The following CORO2B variants were observed in gnomAD, a reference collection of about 807,000 sequenced individuals.
CORO2B encodes the protein coronin 2B, also known as coronin-2B.
In CORO2B, 26 loss-of-function variants were observed where a neutral mutation model predicts 58.8. That is an observed-to-expected ratio of 0.44 (90% CI 0.32 to 0.61). The LOEUF is 0.61. CORO2B is among the 20% of genes least tolerant of loss of function. CORO2B has a pLI of 0.04. For missense variants in CORO2B, 460 were observed against 645.1 expected (o/e 0.71, Z 3.11); for synonymous variants, 242 against 253.8 (o/e 0.95, Z 0.44).
chr15:68,663,359 G>A (rs918102510), intron 2 of CORO2B, among the ~76,000 whole-genome samples: 3 of 152,204 alleles, frequency 2.0e-5, no homozygotes, highest in African/African-American at 7.2e-5. Context: ...GTGCTGCAGA[G>A]CATAACTGTG....
chr15:68,662,889 T>C (rs146400609), intron 2 of CORO2B, among the ~76,000 whole-genome samples: 181 of 152,350 alleles, frequency 1.2e-3, no homozygotes, highest in Middle Eastern at 0.01. Flanking sequence ...CAGACTAGTA[T>C]CTACAGATAT....
chr15:68,690,439 G>T (rs1417152849), intron 2 of CORO2B, among the ~76,000 whole-genome samples: 1 of 151,936 alleles, frequency 6.6e-6, no homozygotes, highest in Non-Finnish European at 1.5e-5. Flanking sequence ...TGGCCTACTG[G>T]CTCCCTATTA....
chr15:68,573,004 C>T, the CORO2B span, among the ~76,000 whole-genome samples: 1 of 152,158 alleles, frequency 6.6e-6, no homozygotes, highest in East Asian at 1.9e-4. Context: ...CCTACACACT[C>T]ATTCTCACAT....
chr15:68,695,104 A>T, intron 2 of CORO2B, 36 bp from the exon 3 acceptor site: 1 of 1,499,028 alleles, frequency 6.7e-7, no homozygotes, highest in Non-Finnish European at 9.3e-7. Context: ...CCATCAAACT[A>T]ATCTCCTTCT....
At chr15:68,526,401 C>T in the CORO2B span, among the ~76,000 whole-genome samples, 1 of 152,190 alleles carries the variant, frequency 6.6e-6, no homozygotes, top group East Asian at 1.9e-4. Flanking sequence ...CCACATCCTT[C>T]CAATTCTTGG....
At chr15:68,670,338 T>C (rs1902348625) in intron 2 of CORO2B, among the ~76,000 whole-genome samples, 1 of 152,068 alleles carries the variant, frequency 6.6e-6, no homozygotes, top group South Asian at 2.1e-4. Context: ...CTAAGCCTGG[T>C]TAATTTTTTA....
the CORO2B span, among the ~76,000 whole-genome samples, chr15:68,564,282 G>A: frequency 6.6e-6 from 1 of 151,994 alleles, no homozygotes; most frequent in African/African-American, 2.4e-5. Context: ...TGATTGCTTG[G>A]AGAATAATTT....
chr15:68,688,723 C>G (rs1431484716), intron 2 of CORO2B, among the ~76,000 whole-genome samples: 1 of 152,136 alleles, frequency 6.6e-6, no homozygotes, highest in Non-Finnish European at 1.5e-5. Context: ...GACAATGTCC[C>G]CATTGCTGTC....
the CORO2B span, among the ~76,000 whole-genome samples, chr15:68,536,423 A>G: frequency 2.0e-5 from 3 of 152,236 alleles, no homozygotes; most frequent in Non-Finnish European, 4.4e-5. Context: ...AAAAACTGCT[A>G]TTTAATTCTA....
chr15:68,661,573 A>G (rs965590747), intron 2 of CORO2B, among the ~76,000 whole-genome samples: 10 of 152,212 alleles, frequency 6.6e-5, no homozygotes, highest in African/African-American at 2.4e-4. Context: ...TCCTGATCAT[A>G]AACCTGACTA....
At chr15:68,663,608 C>T (rs1209631189) in intron 2 of CORO2B, among the ~76,000 whole-genome samples, 1 of 152,164 alleles carries the variant, frequency 6.6e-6, no homozygotes. Flanking sequence ...AACTTTTGCT[C>T]ATCGAAAGAT....
chr15:68,643,405 G>A (rs936815948), intron 1 of CORO2B, among the ~76,000 whole-genome samples: 5 of 152,192 alleles, frequency 3.3e-5, no homozygotes, highest in African/African-American at 1.2e-4. Flanking sequence ...TGACCCACCA[G>A]CCTCCCATCC....
the CORO2B span, among the ~76,000 whole-genome samples, chr15:68,572,199 C>T: frequency 1.3e-5 from 2 of 152,354 alleles, no homozygotes; most frequent in East Asian, 3.9e-4. Flanking sequence ...CTTCCAGTCA[C>T]TGGCAGCAGC....
chr15:68,557,727 G>T, the CORO2B span, among the ~76,000 whole-genome samples: 1 of 152,198 alleles, frequency 6.6e-6, no homozygotes, highest in Non-Finnish European at 1.5e-5. Context: ...AATGCCCAAG[G>T]TCACAGAGCT....
chr15:68,685,177 C>T (rs1163140455), intron 2 of CORO2B, among the ~76,000 whole-genome samples: 5 of 152,202 alleles, frequency 3.3e-5, no homozygotes, highest in Non-Finnish European at 7.3e-5. Flanking sequence ...CCTGTGGTTT[C>T]TACAAATAAG....
At chr15:68,639,257 A>G (rs945957215) in intron 1 of CORO2B, among the ~76,000 whole-genome samples, 2 of 152,196 alleles carry the variant, frequency 1.3e-5, no homozygotes, top group Non-Finnish European at 2.9e-5. Context: ...AGGCTCAGCT[A>G]TAAGGGAGCC....
chr15:68,544,700 C>G, the CORO2B span, among the ~76,000 whole-genome samples: 1 of 152,086 alleles, frequency 6.6e-6, no homozygotes, highest in African/African-American at 2.4e-5. Context: ...GGTGGAAGCC[C>G]ATGTCATTGG....
At position 68,645,441 on chromosome 15, in the gene CORO2B, C is replaced by T. The variant is rs1901393320; in HGVS notation, c.216+81C>T. ...CTTGGTCTCTCTTAGGCCTGTTGAC[C>T]CTACTTCTCTCTGAGTTCCCACCTT... On this transcript the variant is annotated intron_variant, in intron 2 of 11. Coordinates refer to ENST00000261861, the MANE Select transcript of CORO2B (RefSeq NM_006091.5). This position sits in a 1 kb window ranked among gnomAD's most constrained non-coding sequence, Gnocchi z 4.5. The T allele has an allele frequency of 7.4e-7, 1 of 1,349,534 alleles. No individual in the cohort carries two copies. The highest frequency in any genetic ancestry group is 1.3e-5 in the South Asian group (1 of 77,252). The allele number at this position is 1,349,534 out of a possible 1,614,324, so 83.6% of individuals were successfully genotyped here.
At chr15:68,605,064 A>G (rs566635703) in intron 1 of CORO2B, among the ~76,000 whole-genome samples, 1 of 152,000 alleles carries the variant, frequency 6.6e-6, no homozygotes, top group African/African-American at 2.4e-5. Flanking sequence ...TGGTGAGCTG[A>G]GATCATGCCA....
Sources: allele counts gnomAD v4.1 joint callset (sites outside exome capture counted in the v4.1 genomes callset), GRCh38; gene constraint gnomAD v4.1.1; non-coding constraint Gnocchi (gnomAD v3.1); transcripts MANE v1.5; gene names NCBI Gene and HGNC (gene_info 2026-07-23, HGNC 2026-07-21).